CRACD: variants seen among roughly 807,000 people sequenced by gnomAD.
The protein encoded by CRACD is capping protein-inhibiting regulator of actin dynamics.
CRACD carries 56 observed loss-of-function variants against 106.8 expected under a neutral mutation model. The ratio of observed to expected loss-of-function variants is 0.52; its 90% CI spans 0.42 to 0.66. The LOEUF (loss-of-function observed/expected upper bound fraction) is 0.66. CRACD is among the 30% of genes least tolerant of loss of function. The pLI, the probability that CRACD is intolerant of heterozygous loss-of-function variation, is 0.00. For synonymous variants in CRACD, 754 were observed against 670.8 expected (o/e 1.12, Z -1.92); for missense variants, 1,730 against 1,623.2 (o/e 1.07, Z -1.13).
chr4:56,312,507 T>G (rs1402181088), intron 6 of CRACD, among the ~76,000 whole-genome samples: 1 of 152,210 alleles, frequency 6.6e-6, no homozygotes, highest in Non-Finnish European at 1.5e-5. Flanking sequence ...GTTCCAGGTA[T>G]AGATGCTATA....
At chr4:56,316,733 A>G in intron 8 of CRACD, 44 bp downstream of exon 8, 13 of 1,520,424 alleles carry the variant, frequency 8.6e-6, no homozygotes, top group South Asian at 7.8e-5. Flanking sequence ...CCGAGGTGTC[A>G]GAGCCAGGGC....
rs1357944849 is a variant in CRACD at position 56,077,496 on chromosome 4, G to A, written c.-336+28197G>A. Among the ~76,000 whole-genome samples the A allele has an allele frequency of 3.3e-5, 5 of 152,308 alleles. No individual in the cohort carries two copies. The East Asian group carries it at 9.7e-4, about 29-fold the overall frequency. ...TCTTGTTACCAAAGGATTTAATGCT[G>A]CCTACCAAAAGCCTCATGTAAGTCC... is the stretch of plus-strand genomic sequence containing the variant. On this transcript the variant is annotated intron_variant, in intron 1 of 10. Transcript: ENST00000682029.
At chr4:56,274,320 G>A (rs1742543361) in intron 3 of CRACD, among the ~76,000 whole-genome samples, 1 of 152,076 alleles carries the variant, frequency 6.6e-6, no homozygotes, top group African/African-American at 2.4e-5. Flanking sequence ...GAGAGTAAGT[G>A]GCAGTTTAAT....
intron 1 of CRACD, among the ~76,000 whole-genome samples, chr4:56,066,864 G>A (rs906381411): frequency 6.6e-6 from 1 of 152,176 alleles, no homozygotes. Flanking sequence ...CATGGGGTAG[G>A]TGGGTATTAT....
chr4:56,201,109 T>G (rs2045983), intron 2 of CRACD, among the ~76,000 whole-genome samples: 83,133 of 151,994 alleles, frequency 0.55, 24,287 homozygotes, highest in African/African-American at 0.74. Context: ...ACTAATGAGA[T>G]AATTAATTAT....
chr4:56,319,769 A>G (rs1470647374), intron 8 of CRACD, among the ~76,000 whole-genome samples: 2 of 152,160 alleles, frequency 1.3e-5, no homozygotes, highest in Admixed American at 1.3e-4. Flanking sequence ...AGAGGCCTGC[A>G]TTGCCAAGGC....
At chr4:56,166,038 T>G (rs1034984571) in intron 1 of CRACD, among the ~76,000 whole-genome samples, 1 of 152,036 alleles carries the variant, frequency 6.6e-6, no homozygotes, top group Non-Finnish European at 1.5e-5. Flanking sequence ...TAAAAAAATG[T>G]TTTTTTGTAG....
At chr4:56,188,942 C>A (rs553517276) in intron 2 of CRACD, among the ~76,000 whole-genome samples, 1 of 152,052 alleles carries the variant, frequency 6.6e-6, no homozygotes. Context: ...AAGGCCGAAG[C>A]GGGTGGATCA....
chr4:56,058,746 G>A (rs773432341), intron 1 of CRACD, among the ~76,000 whole-genome samples: 9 of 152,134 alleles, frequency 5.9e-5, no homozygotes, highest in Non-Finnish European at 1.2e-4. Flanking sequence ...GTAGTGATTA[G>A]CATCTTAAAG....
chr4:56,212,620 G>A (rs1230875482), intron 2 of CRACD, among the ~76,000 whole-genome samples: 6 of 152,192 alleles, frequency 3.9e-5, no homozygotes, highest in African/African-American at 1.4e-4. Flanking sequence ...TGAAATTATG[G>A]ATCTCATTTT....
At chr4:56,210,591 G>T (rs1738350862) in intron 2 of CRACD, among the ~76,000 whole-genome samples, 1 of 152,178 alleles carries the variant, frequency 6.6e-6, no homozygotes, top group African/African-American at 2.4e-5. Flanking sequence ...TCAAAGCACA[G>T]AACTTAGATT....
chr4:56,067,963 G>A lies in CRACD; in HGVS notation c.-336+18664G>A, dbSNP rs1032305708. Reference sequence around the variant, plus strand: ...TTATTGAGTGTTTACTATTTGGCCAGAGGTCATTTTAGATCCTGGAGATGT... The same window carrying A: ...TTATTGAGTGTTTACTATTTGGCCAAAGGTCATTTTAGATCCTGGAGATGT... On this transcript the variant is annotated intron_variant, in intron 1 of 10. Coordinates refer to ENST00000682029, the MANE Select transcript of CRACD (RefSeq NM_001393381.1). Among the ~76,000 whole-genome samples, 4 of 152,206 alleles carry A rather than the reference G, an allele frequency of 2.6e-5. No individual in the cohort carries two copies. The East Asian group carries it at 5.8e-4, about 22-fold the overall frequency.
At chr4:56,063,136 C>G (rs1732340301) in intron 1 of CRACD, among the ~76,000 whole-genome samples, 1 of 152,052 alleles carries the variant, frequency 6.6e-6, no homozygotes, top group African/African-American at 2.4e-5. Flanking sequence ...GCTAACAGGT[C>G]ATATTGGGCT....
chr4:56,152,185 A>AT (rs1188846920), intron 1 of CRACD, among the ~76,000 whole-genome samples: 4,786 of 132,988 alleles, frequency 0.036, 214 homozygotes, highest in African/African-American at 0.11. Flanking sequence ...AATTTTTTGT[A>AT]TTTTTTTTTT....
rs182362792 is a variant in CRACD, at chr4:56,284,137, A to G, written c.-17+11645A>G. 1.5e-3 allele frequency among the ~76,000 whole-genome samples: 222 copies of G among 152,094 alleles called. 1 individual carries two copies. The highest frequency in any genetic ancestry group is 4.9e-3 in the African/African-American group (202 of 41,512). The stretch of plus-strand genomic sequence containing the variant: ...CACCTGGTAAACCAACTCACCCTAC[A>G]GTAGTAATCATTTTCTTATCCTTTG... On this transcript the variant is annotated intron_variant, in intron 3 of 10. Coordinates refer to ENST00000682029, the MANE Select transcript of CRACD (RefSeq NM_001393381.1).
chr4:56,256,110 G>GAGAACTACTGA (rs2109601219), intron 2 of CRACD, among the ~76,000 whole-genome samples: 1 of 152,280 alleles, frequency 6.6e-6, no homozygotes, highest in Non-Finnish European at 1.5e-5. Context: ...TACTGATATG[G>GAGAACTACTGA]TTTGGCTATG....
intron 2 of CRACD, among the ~76,000 whole-genome samples, chr4:56,256,905 A>G (rs1365305651): frequency 4.6e-5 from 7 of 152,146 alleles, no homozygotes; most frequent in African/African-American, 1.7e-4. Context: ...GTCATACCTC[A>G]TTATACCTTT....
At chr4:56,120,933 C>T (rs895061999) in intron 1 of CRACD, among the ~76,000 whole-genome samples, 6 of 152,186 alleles carry the variant, frequency 3.9e-5, no homozygotes, top group African/African-American at 1.4e-4. Context: ...TTGCATTTCA[C>T]ATATAGAACA....
intron 1 of CRACD, among the ~76,000 whole-genome samples, chr4:56,178,181 C>A (rs1410901689): frequency 6.6e-6 from 1 of 152,128 alleles, no homozygotes; most frequent in Admixed American, 6.6e-5. Context: ...AAAAATGTTT[C>A]ACAGTTCCTT....
Sources: gnomAD v4.1 joint callset for allele counts (sites outside exome capture counted in the v4.1 genomes callset) on GRCh38, gnomAD v4.1.1 for gene constraint, MANE v1.5 for transcripts, NCBI Gene and HGNC (gene_info 2026-07-23, HGNC 2026-07-21) for gene names.